Variants in TRA2A observed in about 807,000 individuals in gnomAD.
The protein encoded by TRA2A is transformer 2 alpha homolog, also known as transformer-2 protein homolog alpha.
A neutral mutation model predicts 45.7 loss-of-function variants in TRA2A; 31 were observed. The observed-to-expected ratio is 0.68, with a 90% CI of 0.51 to 0.92. The LOEUF (loss-of-function observed/expected upper bound fraction) is 0.92, where lower values mean the gene tolerates loss of function less well. Ranked by LOEUF, TRA2A falls within the 40% of genes least tolerant of loss-of-function variation. The pLI is 0.00. For missense variants in TRA2A, 304 were observed against 367.5 expected (o/e 0.83, Z 1.41); for synonymous variants, 132 against 126.2 (o/e 1.05, Z -0.31).
intron 2 of TRA2A, 118 bp downstream of exon 2, chr7:23,521,589 T>C: frequency 8.5e-7 from 1 of 1,178,746 alleles, no homozygotes; most frequent in African/African-American, 1.5e-5. Flanking sequence ...AAGAGCAGTC[T>C]GAGAAAAACT....
chr7:23,506,237 C>G lies in TRA2A; in HGVS notation c.671G>C (p.Gly224Ala). 1 of 1,611,186 alleles carries G rather than the reference C, an allele frequency of 6.2e-7. No homozygotes were observed. Among genetic ancestry groups the G allele is most frequent in the Non-Finnish European group, 8.5e-7 (1 of 1,177,934 alleles). The change falls in exon 6 of 8, where the codon GGC (glycine) becomes GCC (alanine). Residue 224 changes from glycine (G) to alanine (A), a missense_variant. Coordinates refer to ENST00000297071, the MANE Select transcript of TRA2A (RefSeq NM_013293.5). ...HSGGGGGGGGGGGGGGGGRRR... is the reference protein window; with the variant it reads ...HSGGGGGGGGAGGGGGGGRRR... ...TCTGCCACCACCTCCACCTCCACCG[C>G]CGCCGCCTCCTCCACCACCCCCACC... is the stretch of plus-strand genomic sequence containing the variant.
intron 4 of TRA2A, among the ~76,000 whole-genome samples, chr7:23,509,324 G>A (rs1789488739): frequency 6.6e-6 from 1 of 152,046 alleles, no homozygotes; most frequent in African/African-American, 2.4e-5. Flanking sequence ...AAAACAGGGT[G>A]AGGAGCTTAT....
Position 23,513,010 on chromosome 7 carries a change from C to G in TRA2A, c.409G>C (p.Glu137Gln). ...AATGGTCCATATCGAGAAAATACTT[C>G]ACGAAGATCCCTCTCTGTTGTGTAC... ...SLYTTERDLR[E>Q]VFSRYGPLSG... Residue 137 changes from glutamate to glutamine, a missense_variant, in exon 4 of 8, where the codon GAA becomes CAA. Glu to Gln is a conservative substitution (Grantham distance 29, BLOSUM62 2). Transcript: ENST00000297071. The G allele has an allele frequency of 6.2e-7, 1 of 1,614,118 alleles. No homozygotes were observed. Among genetic ancestry groups the G allele is most frequent in the Non-Finnish European group, 8.5e-7 (1 of 1,180,000 alleles).
intron 4 of TRA2A, among the ~76,000 whole-genome samples, chr7:23,510,227 C>T (rs1789536068): frequency 6.6e-6 from 1 of 152,126 alleles, no homozygotes; most frequent in Non-Finnish European, 1.5e-5. Flanking sequence ...CTCGTCACCC[C>T]GCTCCTTAAG....
intron 3 of TRA2A, among the ~76,000 whole-genome samples, chr7:23,516,125 G>T (rs1212065981): frequency 2.0e-5 from 3 of 152,106 alleles, no homozygotes. Flanking sequence ...GGGAGACAGA[G>T]TAAGACTTTG....
At chr7:23,515,095 T>C (rs1370532059) in intron 3 of TRA2A, among the ~76,000 whole-genome samples, 1 of 152,184 alleles carries the variant, frequency 6.6e-6, no homozygotes, top group Admixed American at 6.5e-5. Flanking sequence ...TGAATAAAAG[T>C]GTTAGCTATG....
At chr7:23,512,812 C>A in intron 4 of TRA2A, 82 bp downstream of exon 4, 8 of 1,052,588 alleles carry the variant, frequency 7.6e-6, no homozygotes, top group Admixed American at 2.9e-5. Flanking sequence ...AAAAAGGATG[C>A]AATGTTTACA....
intron 1 of TRA2A, among the ~76,000 whole-genome samples, chr7:23,524,255 C>T (rs1418454888): frequency 6.6e-6 from 1 of 152,230 alleles, no homozygotes; most frequent in East Asian, 1.9e-4. Context: ...GCGATCTAGG[C>T]TCACTGCAAC....
rs1000208761 is a variant in TRA2A at position 23,531,812 on chromosome 7, C to T, written c.13G>A (p.Glu5Lys). The stretch of plus-strand genomic sequence containing the variant: ...ACTCTGCCCTCGAAGTTGTTTTCCT[C>T]CACATCACTCATGTCGACGAGGCGC... MSDV[E>K]ENNFEGRESR... The change falls in exon 1 of 8, where the codon GAG becomes AAG. Residue 5 changes from glutamate to lysine, a missense_variant. Transcript: ENST00000297071. 1 of 1,613,816 alleles carries T rather than the reference C, an allele frequency of 6.2e-7. No individual in the cohort carries two copies. Among genetic ancestry groups the T allele is most frequent in the Non-Finnish European group, 8.5e-7 (1 of 1,180,036 alleles).
intron 5 of TRA2A, 85 bp downstream of exon 5, chr7:23,507,335 T>C (rs915035786): frequency 6.6e-6 from 7 of 1,054,056 alleles, no homozygotes; most frequent in African/African-American, 4.7e-5. Flanking sequence ...ATTCTAATTA[T>C]AGGAAAAAAG....
intron 1 of TRA2A, chr7:23,522,191 C>T (rs927997263): frequency 8.8e-7 from 1 of 1,135,438 alleles, no homozygotes; most frequent in Non-Finnish European, 1.1e-6. Context: ...CTTTCTACTT[C>T]TCTTCATTCT....
At chr7:23,509,655 C>T (rs1214171834) in intron 4 of TRA2A, among the ~76,000 whole-genome samples, 1 of 151,372 alleles carries the variant, frequency 6.6e-6, no homozygotes, top group African/African-American at 2.4e-5. Context: ...ATTGCTTGAA[C>T]CCGGGAGGCA....
chr7:23,521,710 G>C lies in TRA2A; in HGVS notation c.167C>G (p.Ser56Cys). The change falls in exon 2 of 8, where the codon TCC becomes TGC. Residue 56 changes from serine to cysteine, a missense_variant. Physicochemically the swap from Ser to Cys is moderately radical, Grantham distance 112 (BLOSUM62 -1). This residue lies in a region of TRA2A where 132 missense variants were observed against 113.4 expected (regional missense o/e 1.16). Transcript: ENST00000297071. ...GTATTATCTTAAACACACTTACCTG[G>C]ATTTTGATCTTGATCGAGAATGGGA... The part of the protein sequence containing the change: ...SESHSRSRSK[S>C]RSRSRRHSHR... 6.2e-7 allele frequency: 1 copy of C among 1,614,038 alleles called. No individual in the cohort carries two copies. The highest frequency in any genetic ancestry group is 8.5e-7 in the Non-Finnish European group (1 of 1,179,978).
chr7:23,531,969 G>A lies in TRA2A; in HGVS notation c.-145C>T, dbSNP rs1039268687. 9.4e-6 allele frequency: 8 copies of A among 854,620 alleles called. No individual in the cohort carries two copies. The highest frequency in any genetic ancestry group is 1.3e-5 in the Non-Finnish European group (7 of 553,002). 52.9% of individuals were successfully genotyped at this position (854,620 alleles called of 1,614,324 possible). A position where few individuals can be genotyped will look rare whatever the true frequency, so the allele number is the denominator to read the frequency against. ...CCACTCCACTCCCACTCGGTCGCAG[G>A]CTCCAGCAAAATGGCGCCGGCGCCG... is the stretch of plus-strand genomic sequence containing the variant. On this transcript the variant is annotated 5_prime_UTR_variant, in exon 1 of 8. Coordinates refer to ENST00000297071, the MANE Select transcript of TRA2A (RefSeq NM_013293.5).
intron 6 of TRA2A, 145 bp from the exon 7 acceptor site, chr7:23,505,958 A>G (rs1789315846): frequency 1.4e-6 from 1 of 694,794 alleles, no homozygotes; most frequent in Non-Finnish European, 2.3e-6. Flanking sequence ...CAATGAGACC[A>G]GAAAAGTATA....
intron 1 of TRA2A, among the ~76,000 whole-genome samples, chr7:23,528,841 T>A (rs1028545475): frequency 2.0e-4 from 30 of 151,528 alleles, no homozygotes; most frequent in South Asian, 4.2e-4. Flanking sequence ...CCTGTAGGAG[T>A]CTCTCAAAAA....
At chr7:23,529,361 AG>A (rs1393576820) in intron 1 of TRA2A, among the ~76,000 whole-genome samples, 1 of 152,146 alleles carries the variant, frequency 6.6e-6, no homozygotes, top group Admixed American at 6.5e-5. Flanking sequence ...CCCAGGTTCA[AG>A]TAATTCTCCT....
chr7:23,505,475 C>T lies in TRA2A; in HGVS notation c.*84G>A, dbSNP rs1306536090. 41 of 517,614 alleles carry T rather than the reference C, an allele frequency of 7.9e-5. No individual in the cohort carries two copies. Among genetic ancestry groups the T allele is most frequent in the Admixed American group, 2.4e-4 (6 of 24,930 alleles). 32.1% of individuals were successfully genotyped at this position (517,614 alleles called of 1,614,324 possible). Reference sequence around the variant, plus strand: ...TTTTTTCTTAAGGAGTAGGAAGAATCCACAGCTTGGGGAAATCTCAGAATT... The same window carrying T: ...TTTTTTCTTAAGGAGTAGGAAGAATTCACAGCTTGGGGAAATCTCAGAATT... On this transcript the variant is annotated 3_prime_UTR_variant, in exon 8 of 8. Transcript: ENST00000297071.
intron 1 of TRA2A, among the ~76,000 whole-genome samples, chr7:23,523,352 G>GT (rs549283662): frequency 1.7e-3 from 258 of 152,002 alleles, no homozygotes; most frequent in African/African-American, 5.7e-3. Context: ...TCATAAGCTT[G>GT]TTTTTTTTAA....
Sources: allele counts gnomAD v4.1 joint callset (sites outside exome capture counted in the v4.1 genomes callset), GRCh38; gene constraint gnomAD v4.1.1; regional missense constraint gnomAD v4.1.1; transcripts MANE v1.5; gene names NCBI Gene and HGNC (gene_info 2026-07-23, HGNC 2026-07-21).